Variants in SUPT3H observed in about 807,000 individuals in gnomAD.
The protein encoded by SUPT3H is transcription initiation protein SPT3 homolog.
SUPT3H carries 44 observed loss-of-function variants against 44.3 expected under a neutral mutation model. That is an observed-to-expected ratio of 0.99 (90% CI 0.78 to 1.28). The LOEUF is 1.28. SUPT3H is among the 50% of genes most tolerant of loss of function. The pLI is 0.00. For missense variants in SUPT3H, 380 were observed against 387.1 expected (o/e 0.98, Z 0.15); for synonymous variants, 124 against 125.6 (o/e 0.99, Z 0.09).
rs578081426 is a variant in SUPT3H at position 45,130,986 on chromosome 6, G to A, written c.102-24980C>T. On this transcript the variant is annotated intron_variant, in intron 2 of 10. Coordinates refer to ENST00000371459, the MANE Select transcript of SUPT3H (RefSeq NM_003599.4). ...CCAGCCTCGGTCTCCCAAAGTGCTG[G>A]GACTACAGGTGTGAGCCACCACGCC... is the stretch of plus-strand genomic sequence containing the variant. Among the ~76,000 whole-genome samples, 49 of 151,994 alleles carry A rather than the reference G, an allele frequency of 3.2e-4. 1 individual carries two copies. The highest frequency in any genetic ancestry group is 1.1e-3 in the African/African-American group (45 of 41,440).
Position 45,105,992 on chromosome 6 carries a change from T to C in SUPT3H, c.116A>G (p.Asp39Gly). The change falls in exon 3 of 11, where the codon GAT becomes GGT. Residue 39 changes from aspartate (D) to glycine (G), a missense_variant. Coordinates refer to ENST00000371459, the MANE Select transcript of SUPT3H (RefSeq NM_003599.4). Reference sequence around the variant, plus strand: ...TGTTTCATGAAGAGGCCTTCTAGCATCACCTAAAGAATACCTGCAAAATAA... The same window carrying C: ...TGTTTCATGAAGAGGCCTTCTAGCACCACCTAAAGAATACCTGCAAAATAA... The part of the protein sequence containing the change: ...ELQSMMYSLG[D>G]ARRPLHETAV... 2.5e-6 allele frequency: 4 copies of C among 1,613,614 alleles called. No homozygotes were observed. The highest frequency in any genetic ancestry group is 3.4e-6 in the Non-Finnish European group (4 of 1,179,728).
At chr6:45,260,860 A>T (rs1230619218) in intron 2 of SUPT3H, among the ~76,000 whole-genome samples, 3 of 152,122 alleles carry the variant, frequency 2.0e-5, no homozygotes, top group Non-Finnish European at 1.5e-5. Flanking sequence ...GAGCTATATT[A>T]GAAGTCACCA....
chr6:45,177,335 T>A (rs1812141862), intron 2 of SUPT3H, among the ~76,000 whole-genome samples: 1 of 151,814 alleles, frequency 6.6e-6, no homozygotes, highest in Non-Finnish European at 1.5e-5. Context: ...GAAGATGAAA[T>A]GAATGAAATG....
chr6:44,928,544 G>A (rs191909231), intron 10 of SUPT3H, among the ~76,000 whole-genome samples: 20 of 152,146 alleles, frequency 1.3e-4, no homozygotes, highest in African/African-American at 4.8e-4. Context: ...AATTACTTAA[G>A]AAGGTAAGAT....
chr6:45,131,668 T>C (rs978666641), intron 2 of SUPT3H, among the ~76,000 whole-genome samples: 5 of 152,238 alleles, frequency 3.3e-5, no homozygotes, highest in African/African-American at 1.2e-4. Flanking sequence ...TGTATAAATA[T>C]GAAAAAAGAA....
At chr6:45,268,723 A>AGTATT (rs1775655731) in intron 2 of SUPT3H, among the ~76,000 whole-genome samples, 1 of 152,190 alleles carries the variant, frequency 6.6e-6, no homozygotes, top group African/African-American at 2.4e-5. Flanking sequence ...AAAAACCATA[A>AGTATT]CTATTCAACA....
At chr6:45,189,664 A>C (rs1326925226) in intron 2 of SUPT3H, among the ~76,000 whole-genome samples, 1 of 152,132 alleles carries the variant, frequency 6.6e-6, no homozygotes, top group Non-Finnish European at 1.5e-5. Context: ...GCTTAGAAAA[A>C]TCAAAGAGGA....
At chr6:45,252,101 G>A (rs1321325977) in intron 2 of SUPT3H, among the ~76,000 whole-genome samples, 2 of 152,190 alleles carry the variant, frequency 1.3e-5, no homozygotes, top group East Asian at 3.9e-4. Flanking sequence ...GAATGGATGA[G>A]AAAATACTGC....
At chr6:44,944,909 C>T (rs1236145169) in intron 9 of SUPT3H, among the ~76,000 whole-genome samples, 8 of 151,816 alleles carry the variant, frequency 5.3e-5, no homozygotes, top group African/African-American at 1.7e-4. Flanking sequence ...GCATACCTCA[C>T]TTTATTGCAC....
rs549634464 is a variant in SUPT3H, at chr6:44,859,343, A to G, written c.913-29486T>C. On this transcript the variant is annotated intron_variant, in intron 10 of 10. Transcript: ENST00000371459. The stretch of plus-strand genomic sequence containing the variant: ...TTTTTAGAGCTTGCTGGAGATTTTC[A>G]TTTCAAAATCTCCAAATTCAACAAT... 7.2e-5 allele frequency among the ~76,000 whole-genome samples: 11 copies of G among 152,338 alleles called. No individual in the cohort carries two copies. The East Asian group carries it at 2.1e-3, about 29-fold the overall frequency.
chr6:44,829,698 G>C lies in SUPT3H; in HGVS notation c.*118C>G, dbSNP rs1768267289. The C allele has an allele frequency of 8.5e-7, 1 of 1,182,934 alleles. No homozygotes were observed. The highest frequency in any genetic ancestry group is 2.0e-5 in the Admixed American group (1 of 50,602). 73.3% of individuals were successfully genotyped at this position (1,182,934 alleles called of 1,614,324 possible). A position where few individuals can be genotyped will look rare whatever the true frequency, so the allele number is the denominator to read the frequency against. ...AGTCAGCAAGTTGAAAGTCACAACA[G>C]ACCAGCCCACTCCCTCAGATAAAAG... is the stretch of plus-strand genomic sequence containing the variant. On this transcript the variant is annotated 3_prime_UTR_variant, in exon 11 of 11. Transcript: ENST00000371459.
In SUPT3H at chr6:45,278,926, G is replaced by C. The variant is rs920666484; in HGVS notation, c.101+86275C>G. Among the ~76,000 whole-genome samples, 5 of 152,198 alleles carry C rather than the reference G, an allele frequency of 3.3e-5. No individual in the cohort carries two copies. In the East Asian group the frequency reaches 9.6e-4, roughly 29 times the overall value. On this transcript the variant is annotated intron_variant, in intron 2 of 10. Transcript: ENST00000371459. ...CAACACAAAAATCATTTAATTGATA[G>C]AGTAGATACAATGTAGAATTTTTTA...
At chr6:45,305,339 T>C (rs1782823195) in intron 2 of SUPT3H, among the ~76,000 whole-genome samples, 1 of 152,234 alleles carries the variant, frequency 6.6e-6, no homozygotes, top group Admixed American at 6.5e-5. Flanking sequence ...TACTGCATTT[T>C]ATGATTCAGT....
chr6:45,159,169 TG>T (rs991190331), intron 2 of SUPT3H: 14 of 152,356 alleles, frequency 9.2e-5, no homozygotes, highest in African/African-American at 3.4e-4. Context: ...AATATCCTAT[TG>T]AACTGACCAG....
intron 6 of SUPT3H, among the ~76,000 whole-genome samples, chr6:44,984,907 T>C (rs1341651367): frequency 6.6e-6 from 1 of 152,038 alleles, no homozygotes; most frequent in Non-Finnish European, 1.5e-5. Context: ...CAGGTAGAGG[T>C]GCCAAATTTT....
chr6:45,256,505 T>C (rs1347771007), intron 2 of SUPT3H, among the ~76,000 whole-genome samples: 2 of 152,106 alleles, frequency 1.3e-5, no homozygotes, highest in African/African-American at 4.8e-5. Context: ...CATCTCTTCA[T>C]ACCACAACAG....
intron 2 of SUPT3H, among the ~76,000 whole-genome samples, chr6:45,245,650 C>T (rs748869009): frequency 2.0e-5 from 3 of 152,128 alleles, no homozygotes; most frequent in Non-Finnish European, 4.4e-5. Context: ...TATTCCATTT[C>T]ATGTAGGTAC....
chr6:45,091,045 C>G (rs758046610), intron 3 of SUPT3H, among the ~76,000 whole-genome samples: 1 of 151,862 alleles, frequency 6.6e-6, no homozygotes, highest in Non-Finnish European at 1.5e-5. Flanking sequence ...TTTTAAATAT[C>G]CTTTTCAAGT....
At chr6:44,979,494 A>C (rs1286269575) in intron 6 of SUPT3H, among the ~76,000 whole-genome samples, 1 of 152,188 alleles carries the variant, frequency 6.6e-6, no homozygotes, top group Non-Finnish European at 1.5e-5. Flanking sequence ...TACAAAAAGT[A>C]AACTCAGTTT....
Sources: gnomAD v4.1 joint callset for allele counts (sites outside exome capture counted in the v4.1 genomes callset) on GRCh38, gnomAD v4.1.1 for gene constraint, MANE v1.5 for transcripts, NCBI Gene and HGNC (gene_info 2026-07-23, HGNC 2026-07-21) for gene names.